PLD1: variants seen among roughly 807,000 people sequenced by gnomAD.
The protein encoded by PLD1 is phospholipase D1, also known as choline phosphatase 1.
A neutral mutation model predicts 137.1 loss-of-function variants in PLD1; 112 were observed. The ratio of observed to expected loss-of-function variants is 0.82; its 90% CI spans 0.70 to 0.96. PLD1 has a LOEUF of 0.96. PLD1 is among the 40% of genes least tolerant of loss of function. PLD1 has a pLI of 0.00. For missense variants in PLD1, 1,321 were observed against 1,342.0 expected, an observed-to-expected ratio of 0.98 and a Z score of 0.24; for synonymous variants, 431 against 454.7, an observed-to-expected ratio of 0.95 and a Z score of 0.66.
intron 12 of PLD1, among the ~76,000 whole-genome samples, chr3:171,692,897 A>G (rs1715336700): frequency 6.6e-6 from 1 of 152,254 alleles, no homozygotes; most frequent in Non-Finnish European, 1.5e-5. Flanking sequence ...AGGAAGTGAC[A>G]CATAAGTGCG....
intron 1 of PLD1, among the ~76,000 whole-genome samples, chr3:171,749,358 C>CA (rs954839980): frequency 2.0e-5 from 3 of 152,138 alleles, no homozygotes; most frequent in East Asian, 1.9e-4. Flanking sequence ...GACACTCTTA[C>CA]AAAAAAACCC....
chr3:171,763,910 C>G (rs1320346063), intron 1 of PLD1, among the ~76,000 whole-genome samples: 1 of 142,296 alleles, frequency 7.0e-6, no homozygotes, highest in African/African-American at 2.6e-5. Flanking sequence ...TCCTAGGAAG[C>G]AGTAATCAGC....
At chr3:171,708,884 G>A (rs766354580) in intron 10 of PLD1, 46 bp from the exon 11 acceptor site, 1 of 1,227,538 alleles carries the variant, frequency 8.1e-7, no homozygotes, top group East Asian at 2.3e-5. Flanking sequence ...AAAAAGAAAA[G>A]AAAAGAAACT....
At chr3:171,764,810 C>A (rs1169624126) in intron 1 of PLD1, among the ~76,000 whole-genome samples, 1 of 109,794 alleles carries the variant, frequency 9.1e-6, no homozygotes, top group African/African-American at 3.6e-5. Context: ...ATGGGCAAAT[C>A]AAGAAAGAAA....
chr3:171,650,823 G>T (rs575671711), intron 21 of PLD1, among the ~76,000 whole-genome samples: 5 of 152,070 alleles, frequency 3.3e-5, no homozygotes. Flanking sequence ...GCGTGAACCC[G>T]GGAGGCGGAG....
At chr3:171,659,447 A>G (rs1222418098) in intron 20 of PLD1, 146 bp from the exon 21 acceptor site, 3 of 563,046 alleles carry the variant, frequency 5.3e-6, no homozygotes, top group Non-Finnish European at 9.3e-6. Flanking sequence ...TCAACGACAC[A>G]GAAAAAAAGC....
intron 6 of PLD1, among the ~76,000 whole-genome samples, chr3:171,727,773 A>G (rs1050404510): frequency 6.6e-6 from 1 of 152,182 alleles, no homozygotes; most frequent in Non-Finnish European, 1.5e-5. Flanking sequence ...TAGTAAAACA[A>G]AAGTTTTCCA....
Position 171,602,863 on chromosome 3 carries a change from C to CT in PLD1, c.*214dup. On this transcript the variant is annotated 3_prime_UTR_variant, in exon 27 of 27. Coordinates refer to ENST00000351298, the MANE Select transcript of PLD1 (RefSeq NM_002662.5). ...ATGCTACCAACAAGAATGCAGCCCC[C>CT]TTTTTACAAGTTAGGCAGAAGGAAT... 1 of 567,662 alleles carries CT rather than the reference C, an allele frequency of 1.8e-6. No individual in the cohort carries two copies. Among genetic ancestry groups the CT allele is most frequent in the Non-Finnish European group, 3.1e-6 (1 of 318,784 alleles). The allele number at this position is 567,662 out of a possible 1,614,324, so 35.2% of individuals were successfully genotyped here.
At chr3:171,679,912 G>T (rs1270338052) in intron 16 of PLD1, among the ~76,000 whole-genome samples, 2 of 152,176 alleles carry the variant, frequency 1.3e-5, no homozygotes, top group African/African-American at 4.8e-5. Flanking sequence ...ATCCAAGGGG[G>T]TCTCGTTAGG....
intron 9 of PLD1, among the ~76,000 whole-genome samples, chr3:171,710,900 G>GTTTTTTTT (rs1717161263): frequency 1.0e-5 from 1 of 95,774 alleles, no homozygotes; most frequent in East Asian, 2.6e-4. Context: ...TTGAGACGGA[G>GTTTTTTTT]TTTCGCTCTG....
intron 16 of PLD1, among the ~76,000 whole-genome samples, chr3:171,686,272 T>A (rs1474261421): frequency 6.6e-6 from 1 of 152,186 alleles, no homozygotes; most frequent in Admixed American, 6.5e-5. Flanking sequence ...TGCTTTCCCA[T>A]TCCAGCACCT....
chr3:171,687,486 T>A lies in PLD1; in HGVS notation c.1638A>T (p.Ser546=). The change falls in exon 15 of 27, where the codon TCA becomes TCT. Residue 546 remains serine (S), a synonymous_variant. Transcript: ENST00000351298. ...TTGGCTTTCCTATTCCTTTCAGTTTTGAATCCACATCATCAATACTCTTCT... is the reference window on the plus strand; with the variant it reads ...TTGGCTTTCCTATTCCTTTCAGTTTAGAATCCACATCATCAATACTCTTCT... ...PIQKSIDDVD[S]KLKGIGKPRK... 1 of 1,614,132 alleles carries A rather than the reference T, an allele frequency of 6.2e-7. No homozygotes were observed. The highest frequency in any genetic ancestry group is 2.2e-5 in the East Asian group (1 of 44,878).
intron 23 of PLD1, among the ~76,000 whole-genome samples, chr3:171,640,345 T>C (rs1735632189): frequency 6.6e-6 from 1 of 152,150 alleles, no homozygotes; most frequent in East Asian, 1.9e-4. Flanking sequence ...CTGCCTCTCA[T>C]AAGTTTGGAT....
chr3:171,639,541 A>AATATATATTATATAT (rs1735479701), intron 23 of PLD1, among the ~76,000 whole-genome samples: 1 of 73,868 alleles, frequency 1.4e-5, no homozygotes, highest in African/African-American at 6.4e-5. Flanking sequence ...TATATTATAT[A>AATATATATTATATAT]AATATATATT....
chr3:171,772,516 G>C (rs1282437027), intron 1 of PLD1, among the ~76,000 whole-genome samples: 2 of 152,066 alleles, frequency 1.3e-5, no homozygotes, highest in Non-Finnish European at 2.9e-5. Flanking sequence ...CCACTCCCAG[G>C]TCAGGGCTCA....
At chr3:171,606,321 CTGT>C (rs1050073397) in intron 25 of PLD1, among the ~76,000 whole-genome samples, 48 of 152,132 alleles carry the variant, frequency 3.2e-4, no homozygotes, top group Non-Finnish European at 2.1e-4. Context: ...GATTTTGAGC[CTGT>C]TGAGACATCT....
chr3:171,604,207 G>A (rs376722762), intron 26 of PLD1, among the ~76,000 whole-genome samples: 1 of 151,620 alleles, frequency 6.6e-6, no homozygotes, highest in Non-Finnish European at 1.5e-5. Context: ...CCAGCTACTC[G>A]GGAGGCTGAG....
intron 1 of PLD1, among the ~76,000 whole-genome samples, chr3:171,782,261 G>A (rs1319795202): frequency 1.3e-5 from 2 of 152,194 alleles, no homozygotes; most frequent in African/African-American, 4.8e-5. Context: ...GGGACTAACT[G>A]GGAAGCAACA....
Position 171,600,922 on chromosome 3 carries a change from G to A in PLD1, c.*2156C>T, listed in dbSNP as rs1731792500. The A allele has an allele frequency of 1.3e-5, 2 of 152,200 alleles. No homozygotes were observed. Among genetic ancestry groups the A allele is most frequent in the Non-Finnish European group, 2.9e-5 (2 of 68,036 alleles). The allele number at this position is 152,200 out of a possible 1,614,324, so 9.4% of individuals were successfully genotyped here. ...GCCAAGCACTGGTCCAGGCTCTGGG[G>A]ATACACTATGAACAAAATACAGTGA... On this transcript the variant is annotated 3_prime_UTR_variant, in exon 27 of 27. Coordinates refer to ENST00000351298, the MANE Select transcript of PLD1 (RefSeq NM_002662.5).
Sources: gnomAD v4.1 joint callset for allele counts (sites outside exome capture counted in the v4.1 genomes callset) on GRCh38, gnomAD v4.1.1 for gene constraint, MANE v1.5 for transcripts, NCBI Gene and HGNC (gene_info 2026-07-23, HGNC 2026-07-21) for gene names.